AFF3: variants seen among roughly 807,000 people sequenced by gnomAD.
The protein encoded by AFF3 is AF4/FMR2 family member 3.
AFF3 carries 32 observed loss-of-function variants against 129.7 expected under a neutral mutation model. That is an observed-to-expected ratio of 0.25 (90% CI 0.19 to 0.33). The LOEUF (loss-of-function observed/expected upper bound fraction) is 0.33, where lower values mean the gene tolerates loss of function less well. Ranked by LOEUF, AFF3 falls within the 10% of genes least tolerant of loss-of-function variation. The pLI is 1.00. For missense variants in AFF3, 1,373 were observed against 1,592.0 expected, an observed-to-expected ratio of 0.86 and a Z score of 2.34; for synonymous variants, 644 against 635.4, an observed-to-expected ratio of 1.01 and a Z score of -0.20.
intron 24 of AFF3, 52 bp from the exon 25 acceptor site, chr2:99,551,647 TC>T: frequency 6.2e-7 from 1 of 1,608,802 alleles, no homozygotes. Context: ...AGGTGTGCTA[TC>T]CTGAGCAACT....
intron 10 of AFF3, among the ~76,000 whole-genome samples, chr2:99,741,751 C>T (rs1053431757): frequency 1.2e-4 from 18 of 152,000 alleles, no homozygotes; most frequent in Admixed American, 2.6e-4. Context: ...AAAAAGAGCC[C>T]GCATCGCCAA....
chr2:100,102,106 A>C (rs1403146545), intron 4 of AFF3, among the ~76,000 whole-genome samples: 6 of 152,190 alleles, frequency 3.9e-5, no homozygotes, highest in Non-Finnish European at 7.3e-5. Flanking sequence ...AATGGATATG[A>C]AAATATTGGA....
chr2:99,624,989 C>T (rs750899989), intron 13 of AFF3, among the ~76,000 whole-genome samples: 29 of 152,178 alleles, frequency 1.9e-4, no homozygotes, highest in Admixed American at 1.4e-3. Flanking sequence ...AAGATACAGT[C>T]TCTCGTGGAA....
At chr2:99,898,062 G>A (rs745745332) in intron 7 of AFF3, among the ~76,000 whole-genome samples, 7 of 152,182 alleles carry the variant, frequency 4.6e-5, no homozygotes, top group Non-Finnish European at 8.8e-5. Context: ...AGCTCCCTCT[G>A]TAATTTCCAC....
chr2:99,995,529 T>C (rs1298469400), intron 7 of AFF3, among the ~76,000 whole-genome samples: 1 of 152,086 alleles, frequency 6.6e-6, no homozygotes, highest in Non-Finnish European at 1.5e-5. Flanking sequence ...ACTGCCACCA[T>C]GCCTGGCAAA....
At chr2:100,020,501 A>T (rs1332833420) in intron 4 of AFF3, among the ~76,000 whole-genome samples, 3 of 152,068 alleles carry the variant, frequency 2.0e-5, no homozygotes, top group Non-Finnish European at 4.4e-5. Context: ...TTCTCAAGTC[A>T]GGTTTCTCAT....
At chr2:99,559,932 C>T (rs1349216336) in intron 21 of AFF3, among the ~76,000 whole-genome samples, 1 of 152,238 alleles carries the variant, frequency 6.6e-6, no homozygotes, top group Non-Finnish European at 1.5e-5. Flanking sequence ...ATAGGTTACC[C>T]GATCGTTCCC....
intron 13 of AFF3, among the ~76,000 whole-genome samples, chr2:99,640,923 T>C (rs892671032): frequency 8.5e-5 from 13 of 152,226 alleles, no homozygotes; most frequent in Non-Finnish European, 1.5e-5. Context: ...GACCCCATGC[T>C]TGAGGGATGC....
intron 13 of AFF3, among the ~76,000 whole-genome samples, chr2:99,632,869 T>C (rs981495352): frequency 2.0e-5 from 3 of 152,172 alleles, no homozygotes; most frequent in African/African-American, 7.2e-5. Flanking sequence ...AGCATTACTA[T>C]TGTACACCTT....
chr2:99,585,454 C>T (rs968026384), intron 16 of AFF3, among the ~76,000 whole-genome samples: 2 of 152,186 alleles, frequency 1.3e-5, no homozygotes, highest in Non-Finnish European at 2.9e-5. Context: ...GTACTCTAAG[C>T]ATTTTATATG....
At position 99,672,632 on chromosome 2, in the gene AFF3, A is replaced by G. The variant is rs369486524; in HGVS notation, c.1092-43T>C. 7.6e-6 allele frequency: 12 copies of G among 1,584,568 alleles called. No homozygotes were observed. In the African/African-American group the frequency reaches 1.2e-4, roughly 16 times the overall value. Reference sequence around the variant, plus strand: ...GAGGTACAAAGAGGTACAGATAGTTAGTGGATTCAGAATAATTCAGCACCA... The same window carrying G: ...GAGGTACAAAGAGGTACAGATAGTTGGTGGATTCAGAATAATTCAGCACCA... On this transcript the variant is annotated intron_variant, in intron 11 of 24. Transcript: ENST00000672756.
At chr2:99,873,953 T>C (rs1034000193) in intron 7 of AFF3, among the ~76,000 whole-genome samples, 3 of 151,912 alleles carry the variant, frequency 2.0e-5, no homozygotes, top group Non-Finnish European at 4.4e-5. Context: ...GGTGGGCAGA[T>C]CACGAGGTCA....
At chr2:100,048,451 T>C (rs936123648) in intron 4 of AFF3, among the ~76,000 whole-genome samples, 1 of 152,252 alleles carries the variant, frequency 6.6e-6, no homozygotes, top group African/African-American at 2.4e-5. Flanking sequence ...TAGAAGGGCA[T>C]GTTTACTTTA....
chr2:99,935,707 T>C (rs1674465562), intron 7 of AFF3, among the ~76,000 whole-genome samples: 1 of 152,214 alleles, frequency 6.6e-6, no homozygotes, highest in Admixed American at 6.5e-5. Flanking sequence ...CAAAGAGCTA[T>C]TATCTACCTG....
At chr2:99,993,554 A>G (rs1244828588) in intron 7 of AFF3, among the ~76,000 whole-genome samples, 2 of 151,874 alleles carry the variant, frequency 1.3e-5, no homozygotes, top group African/African-American at 4.8e-5. Context: ...TAATATATAA[A>G]AACTAAAGAT....
intron 7 of AFF3, among the ~76,000 whole-genome samples, chr2:99,971,356 A>C (rs1356253722): frequency 6.6e-6 from 1 of 152,132 alleles, no homozygotes; most frequent in African/African-American, 2.4e-5. Context: ...CCTAAACCTT[A>C]ATTTCTACCA....
At chr2:99,557,294 T>TTTTTG (rs1453326798) in intron 22 of AFF3, among the ~76,000 whole-genome samples, 4 of 151,250 alleles carry the variant, frequency 2.6e-5, no homozygotes, top group Admixed American at 2.0e-4. Flanking sequence ...TTTTTTTTTT[T>TTTTTG]TTTGAGACAA....
chr2:99,653,871 CTTTTTTTCTTTTT>C (rs1369509825), intron 12 of AFF3, among the ~76,000 whole-genome samples: 10 of 98,860 alleles, frequency 1.0e-4, no homozygotes, highest in Non-Finnish European at 1.7e-4. Context: ...GCCTGCACTG[CTTTTTTTCTTTTT>C]TTTTTTTTTT....
At chr2:99,651,808 C>A (rs1199231678) in intron 12 of AFF3, among the ~76,000 whole-genome samples, 3 of 151,998 alleles carry the variant, frequency 2.0e-5, no homozygotes, top group Non-Finnish European at 2.9e-5. Flanking sequence ...ATTTAGATAT[C>A]AGGAAAAATA....
Sources: gnomAD v4.1 joint callset for allele counts (sites outside exome capture counted in the v4.1 genomes callset) on GRCh38, gnomAD v4.1.1 for gene constraint, MANE v1.5 for transcripts, NCBI Gene and HGNC (gene_info 2026-07-23, HGNC 2026-07-21) for gene names.